The following UBN2 variants were observed in gnomAD, a reference collection of about 807,000 sequenced individuals.
The protein encoded by UBN2 is ubinuclein 2.
A neutral mutation model predicts 120.2 loss-of-function variants in UBN2; 35 were observed. The ratio of observed to expected loss-of-function variants is 0.29; its 90% CI spans 0.22 to 0.39. The LOEUF is 0.39. Ranked by LOEUF, UBN2 falls within the 10% of genes least tolerant of loss-of-function variation. The pLI, the probability that UBN2 is intolerant of heterozygous loss-of-function variation, is 1.00. For missense variants in UBN2, 1,693 were observed against 1,663.2 expected, an observed-to-expected ratio of 1.02 and a Z score of -0.31; for synonymous variants, 661 against 648.7, an observed-to-expected ratio of 1.02 and a Z score of -0.29.
At chr7:139,314,780 C>T in the UBN2 span, among the ~76,000 whole-genome samples, 13 of 151,652 alleles carry the variant, frequency 8.6e-5, no homozygotes, top group African/African-American at 2.7e-4. Context: ...CCACGGTGCC[C>T]GGCCAATTTT....
In UBN2 at chr7:139,283,233, T is replaced by C; in HGVS notation, c.2328T>C (p.Val776=). 6.2e-7 allele frequency: 1 copy of C among 1,613,218 alleles called. No homozygotes were observed. The highest frequency in any genetic ancestry group is 8.5e-7 in the Non-Finnish European group (1 of 1,179,920). ...ATCTTGTTTCTGAAGCTTTAGCGGT[T>C]ATCAACAATGGGAACAAGGGCCCTC... ...SLDLVSEALA[V]INNGNKGPPV... is the part of the protein sequence containing the mutation. Residue 776 remains valine, a synonymous_variant, in exon 15 of 18, where the codon GTT becomes GTC. Transcript: ENST00000473989.
intron 3 of UBN2, among the ~76,000 whole-genome samples, chr7:139,257,930 G>A (rs960784582): frequency 2.0e-5 from 3 of 151,552 alleles, no homozygotes; most frequent in Non-Finnish European, 2.9e-5. Context: ...GGCTTACTAC[G>A]CCCAGCTAAT....
intron 2 of UBN2, among the ~76,000 whole-genome samples, chr7:139,245,097 CTTTTTTTTTTT>C (rs537219130): frequency 3.0e-5 from 3 of 100,334 alleles, no homozygotes; most frequent in African/African-American, 1.4e-4. Context: ...CCATGCCCAG[CTTTTTTTTTTT>C]TTTTTTTTTT....
At position 139,284,300 on chromosome 7, in the gene UBN2, G is replaced by A; in HGVS notation, c.3395G>A (p.Ser1132Asn). 3 of 1,614,104 alleles carry A rather than the reference G, an allele frequency of 1.9e-6. No homozygotes were observed. Among genetic ancestry groups the A allele is most frequent in the Non-Finnish European group, 2.5e-6 (3 of 1,180,024 alleles). ...QSPTLNLLPSSRTSGLPPTKN... is the reference protein window; with the variant it reads ...QSPTLNLLPSNRTSGLPPTKN... ...CCCACCTTGAATTTATTGCCCTCTA[G>A]TCGCACTTCAGGCCTTCCACCTACA... The change falls in exon 15 of 18, where the codon AGT becomes AAT. Residue 1132 changes from serine (S) to asparagine (N), a missense_variant. Coordinates refer to ENST00000473989, the MANE Select transcript of UBN2 (RefSeq NM_173569.4).
At chr7:139,281,920 G>A in intron 13 of UBN2, 85 bp from the exon 14 acceptor site, 2 of 1,307,130 alleles carry the variant, frequency 1.5e-6, no homozygotes, top group Non-Finnish European at 2.2e-6. Flanking sequence ...TTTAATCAGG[G>A]GTTTTAGAGT....
At chr7:139,236,039 T>C (rs2130925750) in intron 1 of UBN2, among the ~76,000 whole-genome samples, 1 of 152,316 alleles carries the variant, frequency 6.6e-6, no homozygotes, top group South Asian at 2.1e-4. Flanking sequence ...ATTACCTGAG[T>C]CAGTTGTCTG....
intron 15 of UBN2, among the ~76,000 whole-genome samples, chr7:139,292,830 C>T (rs1797998521): frequency 6.6e-6 from 1 of 152,058 alleles, no homozygotes; most frequent in Non-Finnish European, 1.5e-5. Context: ...GATGTGATGA[C>T]AGTAAAGGAT....
chr7:139,301,263 TA>T lies in UBN2; in HGVS notation c.*3428del, dbSNP rs1254570611. 1.3e-5 allele frequency: 2 copies of T among 152,176 alleles called. No homozygotes were observed. Among genetic ancestry groups the T allele is most frequent in the African/African-American group, 4.8e-5 (2 of 41,452 alleles). The allele number at this position is 152,176 out of a possible 1,614,324, so 9.4% of individuals were successfully genotyped here. ...ATTGGACATGATTTTTAACCCAGGA[TA>T]TTTTTTTCCCAAAGCAGATCTAAAT... is the stretch of plus-strand genomic sequence containing the variant. On this transcript the variant is annotated 3_prime_UTR_variant, in exon 18 of 18. Coordinates refer to ENST00000473989, the MANE Select transcript of UBN2 (RefSeq NM_173569.4).
chr7:139,312,322 T>C (rs2131104056), downstream of UBN2, among the ~76,000 whole-genome samples: 1 of 152,378 alleles, frequency 6.6e-6, no homozygotes, highest in African/African-American at 2.4e-5. Context: ...TTTACTGTTT[T>C]CTACTTACTT....
chr7:139,272,445 G>A lies in UBN2; in HGVS notation c.1715+5G>A. 1 of 1,603,380 alleles carries A rather than the reference G, an allele frequency of 6.2e-7. No homozygotes were observed. The highest frequency in any genetic ancestry group is 8.5e-7 in the Non-Finnish European group (1 of 1,174,338). ...TAGTCAAGCTAAGTGTGCCAAGTATGTATCTCTTCTATTTGGACTGGCTTT... is the reference window on the plus strand; with the variant it reads ...TAGTCAAGCTAAGTGTGCCAAGTATATATCTCTTCTATTTGGACTGGCTTT... On this transcript the variant is annotated splice_donor_5th_base_variant and intron_variant, in intron 9 of 17. Transcript: ENST00000473989.
At chr7:139,295,919 C>T (rs1479343423) in intron 17 of UBN2, among the ~76,000 whole-genome samples, 58 of 151,348 alleles carry the variant, frequency 3.8e-4, no homozygotes, top group Admixed American at 3.8e-3. Flanking sequence ...AGAGTCTGTC[C>T]CCCCCAAAAA....
chr7:139,289,000 CAAAAA>C (rs200360523), intron 15 of UBN2, among the ~76,000 whole-genome samples: 1 of 66,694 alleles, frequency 1.5e-5, no homozygotes, highest in Non-Finnish European at 3.5e-5. Context: ...GACGCCATCT[CAAAAA>C]AAAAAAAAAA....
At chr7:139,270,458 G>A (rs1797239300) in intron 8 of UBN2, among the ~76,000 whole-genome samples, 2 of 151,850 alleles carry the variant, frequency 1.3e-5, no homozygotes, top group Admixed American at 6.6e-5. Flanking sequence ...GTAAAGATGG[G>A]GTTTCTCCAT....
chr7:139,243,886 AC>A (rs1166309999), intron 2 of UBN2, among the ~76,000 whole-genome samples: 2 of 152,218 alleles, frequency 1.3e-5, no homozygotes, highest in East Asian at 3.8e-4. Flanking sequence ...TGTCAAATAC[AC>A]GTTTTCCAAA....
intron 3 of UBN2, among the ~76,000 whole-genome samples, chr7:139,254,240 C>G (rs1008361356): frequency 2.0e-5 from 3 of 152,084 alleles, no homozygotes; most frequent in African/African-American, 7.2e-5. Context: ...TTGCAGTGAG[C>G]CGAGATCGCG....
downstream of UBN2, among the ~76,000 whole-genome samples, chr7:139,311,113 CA>C (rs1403738559): frequency 9.2e-5 from 14 of 152,270 alleles, no homozygotes; most frequent in East Asian, 2.5e-3. Context: ...TTGAGAAAAT[CA>C]GTCTTTTATT....
chr7:139,266,263 A>T, intron 6 of UBN2, 70 bp from the exon 7 acceptor site: 1 of 948,370 alleles, frequency 1.1e-6, no homozygotes, highest in Non-Finnish European at 1.6e-6. Flanking sequence ...ACCTTTGAAC[A>T]CGTGTCCTAA....
At position 139,231,542 on chromosome 7, in the gene UBN2, G is replaced by A; in HGVS notation, c.58G>A (p.Ala20Thr). ...ISLSPVRRRE[A>T]EYPGPEREPE... ...CTTGTCACCGGTGCGGCGGCGCGAGGCCGAGTACCCGGGGCCCGAGCGTGA... is the reference window on the plus strand; with the variant it reads ...CTTGTCACCGGTGCGGCGGCGCGAGACCGAGTACCCGGGGCCCGAGCGTGA... The change falls in exon 1 of 18, where the codon GCC (alanine) becomes ACC (threonine). Residue 20 changes from alanine to threonine, a missense_variant. Transcript: ENST00000473989. 7.0e-7 allele frequency: 1 copy of A among 1,425,464 alleles called. No homozygotes were observed. The allele number at this position is 1,425,464 out of a possible 1,614,324, so 88.3% of individuals were successfully genotyped here.
intron 11 of UBN2, among the ~76,000 whole-genome samples, chr7:139,274,820 G>A (rs1321084214): frequency 2.0e-5 from 3 of 151,890 alleles, no homozygotes; most frequent in Non-Finnish European, 4.4e-5. Flanking sequence ...AGGTGCAGTG[G>A]TTCACACCTG....
Sources: gnomAD v4.1 joint callset for allele counts (sites outside exome capture counted in the v4.1 genomes callset) on GRCh38, gnomAD v4.1.1 for gene constraint, MANE v1.5 for transcripts, NCBI Gene and HGNC (gene_info 2026-07-23, HGNC 2026-07-21) for gene names.